Variants in FAT1 observed in about 807,000 individuals in gnomAD.
FAT1 encodes protocadherin Fat 1.
Under a neutral mutation model 329.8 loss-of-function variants are expected in FAT1, and 171 were observed. The observed-to-expected ratio is 0.52, with a 90% confidence interval of 0.46 to 0.59. FAT1 has a LOEUF of 0.59. Ranked by LOEUF, FAT1 falls within the 20% of genes least tolerant of loss-of-function variation. The probability of loss-of-function intolerance (pLI) is 0.00; values close to 1 mark genes in which losing one functional copy is unlikely to be tolerated. For synonymous variants in FAT1, 2,233 were observed against 2,228.6 expected, an observed-to-expected ratio of 1.00 and a Z score of -0.06; for missense variants, 5,672 against 5,774.4, an observed-to-expected ratio of 0.98 and a Z score of 0.57.
chr4:186,608,699 T>C (rs1739255899), intron 16 of FAT1, among the ~76,000 whole-genome samples: 1 of 152,238 alleles, frequency 6.6e-6, no homozygotes, highest in African/African-American at 2.4e-5. Flanking sequence ...CCTGGTTTTC[T>C]ATGTGGCCAA....
chr4:186,712,005 A>T (rs1448387109), intron 1 of FAT1, among the ~76,000 whole-genome samples: 1 of 152,138 alleles, frequency 6.6e-6, no homozygotes, highest in East Asian at 1.9e-4. Context: ...ATGTTTTAGG[A>T]GACATTTTTA....
upstream of FAT1, among the ~76,000 whole-genome samples, chr4:186,724,174 T>C (rs542948214): frequency 8.7e-6 from 1 of 114,548 alleles, no homozygotes; most frequent in East Asian, 2.3e-4. The surrounding 1 kb of genome is among the most constrained non-coding windows in gnomAD (Gnocchi z 5.3). Flanking sequence ...AGGGAAACGT[T>C]AGCTTAGCTA....
intron 2 of FAT1, among the ~76,000 whole-genome samples, chr4:186,677,995 C>T (rs929393174): frequency 2.0e-5 from 3 of 152,136 alleles, no homozygotes; most frequent in African/African-American, 4.8e-5. Flanking sequence ...TATCTCTGTC[C>T]TTAACTTTCT....
intron 3 of FAT1, among the ~76,000 whole-genome samples, chr4:186,652,718 C>T (rs1439934858): frequency 2.0e-5 from 3 of 152,054 alleles, no homozygotes; most frequent in African/African-American, 7.2e-5. Context: ...TTACCGGAAA[C>T]CCCTGGAAGT....
chr4:186,726,144 A>G (rs1037340383), upstream of FAT1, among the ~76,000 whole-genome samples: 2 of 152,222 alleles, frequency 1.3e-5, no homozygotes, highest in Non-Finnish European at 2.9e-5. Context: ...ACAGTGCTCT[A>G]TATGTATTTT....
chr4:186,610,516 CA>C (rs1231152313), intron 14 of FAT1, among the ~76,000 whole-genome samples: 23 of 149,446 alleles, frequency 1.5e-4, no homozygotes, highest in Admixed American at 4.0e-4. Context: ...CCTTTTTAAA[CA>C]ATTCCTTTTA....
chr4:186,631,871 C>T (rs1579356719), intron 7 of FAT1, among the ~76,000 whole-genome samples: 1 of 152,142 alleles, frequency 6.6e-6, no homozygotes, highest in South Asian at 2.1e-4. Context: ...CTCCAGGTGG[C>T]AGCTGCTGCA....
intron 2 of FAT1, among the ~76,000 whole-genome samples, chr4:186,675,370 G>A (rs1405967851): frequency 6.6e-6 from 1 of 151,990 alleles, no homozygotes; most frequent in Non-Finnish European, 1.5e-5. Flanking sequence ...AGGAGGCTGA[G>A]GCAGGAGAAT....
At chr4:186,641,914 G>T (rs138550832) in intron 3 of FAT1, among the ~76,000 whole-genome samples, 12 of 151,714 alleles carry the variant, frequency 7.9e-5, no homozygotes, top group African/African-American at 2.9e-4. Context: ...GGCTGAGGCA[G>T]AAGAAAAGCT....
At position 186,588,400 on chromosome 4, in the gene FAT1, G is replaced by A. The variant is rs1443393263; in HGVS notation, c.*192C>T. ...AAAGACGTTGGGAAATGGCACAGCC[G>A]ATGAAAACCTCACGATGACAGTAGT... is the stretch of plus-strand genomic sequence containing the variant. On this transcript the variant is annotated 3_prime_UTR_variant, in exon 27 of 27. Transcript: ENST00000441802. 4.9e-5 allele frequency: 30 copies of A among 618,172 alleles called. No individual in the cohort carries two copies. The highest frequency in any genetic ancestry group is 2.9e-4 in the South Asian group (11 of 38,472). 38.3% of individuals were successfully genotyped at this position (618,172 alleles called of 1,614,324 possible). A position where few individuals can be genotyped will look rare whatever the true frequency, so the allele number is the denominator to read the frequency against.
At chr4:186,703,830 C>A (rs1213475074) in intron 2 of FAT1, among the ~76,000 whole-genome samples, 1 of 152,220 alleles carries the variant, frequency 6.6e-6, no homozygotes, top group Non-Finnish European at 1.5e-5. Flanking sequence ...CATCTTTCCA[C>A]ACTTCCTTCA....
chr4:186,695,151 G>GT (rs1420813075), intron 2 of FAT1, among the ~76,000 whole-genome samples: 1 of 152,122 alleles, frequency 6.6e-6, no homozygotes, highest in African/African-American at 2.4e-5. Flanking sequence ...TAATCTGAAC[G>GT]TTTTTTAGAG....
intron 20 of FAT1, 67 bp downstream of exon 20, chr4:186,602,836 G>A: frequency 5.3e-6 from 8 of 1,516,358 alleles, no homozygotes; most frequent in Non-Finnish European, 7.2e-6. Context: ...CAATAAAGAA[G>A]AAAATGGTAA....
At chr4:186,660,369 A>G (rs1742112895) in intron 3 of FAT1, among the ~76,000 whole-genome samples, 1 of 152,166 alleles carries the variant, frequency 6.6e-6, no homozygotes, top group African/African-American at 2.4e-5. Context: ...AGCTATATTT[A>G]CTATATTATT....
intron 3 of FAT1, among the ~76,000 whole-genome samples, chr4:186,645,643 A>G (rs1741337886): frequency 6.6e-6 from 1 of 151,540 alleles, no homozygotes. Context: ...GTGGTTCTGT[A>G]AAAAATAAAT....
chr4:186,625,527 A>G (rs1207306413), intron 9 of FAT1, among the ~76,000 whole-genome samples: 1 of 152,256 alleles, frequency 6.6e-6, no homozygotes, highest in Non-Finnish European at 1.5e-5. Flanking sequence ...ATCTATAATT[A>G]ATCTATACCT....
At position 186,708,452 on chromosome 4, in the gene FAT1, T is replaced by C; in HGVS notation, c.1376A>G (p.Asn459Ser). 2 of 1,614,004 alleles carry C rather than the reference T, an allele frequency of 1.2e-6. No homozygotes were observed. Among genetic ancestry groups the C allele is most frequent in the South Asian group, 1.1e-5 (1 of 91,080 alleles). The change falls in exon 2 of 27, where the codon AAT becomes AGT. Residue 459 changes from asparagine to serine, a missense_variant. Around this residue, in one of 2 missense-constraint regions of FAT1, gnomAD observed 3,966 missense variants for 3,915.2 expected, o/e 1.01. Coordinates refer to ENST00000441802, the MANE Select transcript of FAT1 (RefSeq NM_005245.4). ...VLVKVLGANSNPPEFTQTAYK... is the reference protein window; with the variant it reads ...VLVKVLGANSSPPEFTQTAYK... The stretch of plus-strand genomic sequence containing the variant: ...CGCTGTCTGGGTAAATTCAGGGGGA[T>C]TGCTATTTGCACCTAAGACTTTCAC...
chr4:186,662,452 G>T (rs921614893), intron 3 of FAT1, among the ~76,000 whole-genome samples: 16 of 152,166 alleles, frequency 1.1e-4, no homozygotes, highest in African/African-American at 3.9e-4. Context: ...GTCAGTCACA[G>T]ACATCGATGG....
intron 3 of FAT1, among the ~76,000 whole-genome samples, chr4:186,640,902 C>G (rs1310408060): frequency 6.6e-6 from 1 of 152,202 alleles, no homozygotes. Context: ...GACCTTAAAA[C>G]CAGGTGGAGC....
Sources: gnomAD v4.1 joint callset for allele counts (sites outside exome capture counted in the v4.1 genomes callset) on GRCh38, gnomAD v4.1.1 for gene constraint, gnomAD v4.1.1 regional missense constraint, Gnocchi (gnomAD v3.1) non-coding constraint, MANE v1.5 for transcripts, NCBI Gene and HGNC (gene_info 2026-07-23, HGNC 2026-07-21) for gene names.